LCN2: variants seen among roughly 807,000 people sequenced by gnomAD.
LCN2 encodes neutrophil gelatinase-associated lipocalin.
In LCN2, 27 loss-of-function variants were observed where a neutral mutation model predicts 26.4. The observed-to-expected ratio is 1.02, with a 90% confidence interval of 0.76 to 1.41. LCN2 has a LOEUF of 1.41. LCN2 is among the 40% of genes most tolerant of loss of function. LCN2 has a pLI of 0.00. For missense variants in LCN2, 224 were observed against 237.6 expected, an observed-to-expected ratio of 0.94 and a Z score of 0.38; for synonymous variants, 94 against 98.9, an observed-to-expected ratio of 0.95 and a Z score of 0.30.
At chr9:128,152,568 C>A (rs1829145591) in intron 5 of LCN2, among the ~76,000 whole-genome samples, 1 of 152,206 alleles carries the variant, frequency 6.6e-6, no homozygotes, top group Non-Finnish European at 1.5e-5. Flanking sequence ...GTATCCATTT[C>A]TCAGTCTCAC....
chr9:128,150,979 C>A (rs1011448805), intron 2 of LCN2, among the ~76,000 whole-genome samples: 2 of 152,140 alleles, frequency 1.3e-5, no homozygotes, highest in South Asian at 4.1e-4. Context: ...GAAAGTGAAG[C>A]GGGGCCGTCA....
chr9:128,153,017 T>C lies in LCN2; in HGVS notation c.578-83T>C. On this transcript the variant is annotated intron_variant, in intron 5 of 6. Coordinates refer to ENST00000277480, the MANE Select transcript of LCN2 (RefSeq NM_005564.5). The surrounding 1 kb of genome is among the most constrained non-coding windows in gnomAD (Gnocchi z 5.4). The stretch of plus-strand genomic sequence containing the variant: ...CTGCCCAGGGGCAGTGCAGAGGACC[T>C]GGCAGTCAGGGATCACACACACACA... The C allele has an allele frequency of 3.1e-6, 5 of 1,604,314 alleles. No homozygotes were observed. Among genetic ancestry groups the C allele is most frequent in the Non-Finnish European group, 4.3e-6 (5 of 1,172,170 alleles).
At chr9:128,152,320 G>C (rs1485906092) in intron 5 of LCN2, 36 bp downstream of exon 5, 1 of 1,572,348 alleles carries the variant, frequency 6.4e-7, no homozygotes, top group Non-Finnish European at 8.8e-7. Context: ...CGGGGACATG[G>C]GGACTGTTCA....
At chr9:128,151,398 G>A in intron 2 of LCN2, 1 of 603,972 alleles carries the variant, frequency 1.7e-6, no homozygotes, top group South Asian at 2.0e-5. Flanking sequence ...GGTCTGAGTG[G>A]GGTCCAGGGG....
chr9:128,150,704 A>G (rs1834998239), intron 2 of LCN2: 1 of 503,044 alleles, frequency 2.0e-6, no homozygotes, highest in Non-Finnish European at 3.9e-6. Flanking sequence ...AAAAGAGCCA[A>G]CCTGCTTCAA....
rs747391213 is a variant in LCN2, at chr9:128,149,545, G to A, written c.20G>A (p.Trp7Ter). The A allele has an allele frequency of 3.7e-6, 6 of 1,613,192 alleles. No homozygotes were observed. Among genetic ancestry groups the A allele is most frequent in the Non-Finnish European group, 5.1e-6 (6 of 1,179,568 alleles). ...GAAATCATGCCCCTAGGTCTCCTGT[G>A]GCTGGGCCTAGCCCTGTTGGGGGCT... MPLGLLWLGLALLGALH... is the reference protein window; with the variant it reads MPLGLL The change falls in exon 1 of 7, where the codon TGG becomes TAG. Residue 7 changes from tryptophan to a stop codon, truncating the protein, a stop_gained. Transcript: ENST00000277480. LOFTEE classifies it high-confidence loss of function.
At chr9:128,150,695 A>G (rs1451923568) in intron 2 of LCN2, 1 of 526,622 alleles carries the variant, frequency 1.9e-6, no homozygotes, top group Non-Finnish European at 3.7e-6. Flanking sequence ...GGTGGCCTTA[A>G]AAGAGCCAAC....
At chr9:128,150,708 G>T in intron 2 of LCN2, 1 of 496,176 alleles carries the variant, frequency 2.0e-6, no homozygotes, top group Non-Finnish European at 3.9e-6. Context: ...GAGCCAACCT[G>T]CTTCAAAAGG....
At chr9:128,150,041 T>A (rs1343635829) in intron 1 of LCN2, among the ~76,000 whole-genome samples, 197 bp from the exon 2 acceptor site, 1 of 151,778 alleles carries the variant, frequency 6.6e-6, no homozygotes, top group East Asian at 1.9e-4. Flanking sequence ...AACCGCCTCT[T>A]CCCCCAGGAC....
At position 128,149,669 on chromosome 9, in the gene LCN2, G is replaced by A. The variant is rs1834986086; in HGVS notation, c.138+6G>A. The A allele has an allele frequency of 2.5e-6, 4 of 1,613,612 alleles. No homozygotes were observed. The highest frequency in any genetic ancestry group is 2.2e-5 in the South Asian group (2 of 91,088). On this transcript the variant is annotated splice_donor_region_variant and intron_variant, in intron 1 of 6. Transcript: ENST00000277480. ...AGAACTTCCAGGACAACCAAGTAAG[G>A]GGCCAAGAGGGGCACCTGCAGGCAG... is the stretch of plus-strand genomic sequence containing the variant.
intron 2 of LCN2, among the ~76,000 whole-genome samples, chr9:128,151,129 G>A (rs1835002222): frequency 2.0e-5 from 3 of 152,100 alleles, no homozygotes; most frequent in Admixed American, 1.3e-4. Flanking sequence ...GACAGGTTGG[G>A]GAGCTCAGCC....
At position 128,150,889 on chromosome 9, in the gene LCN2, G is replaced by A. The variant is rs3780837; in HGVS notation, c.275+515G>A. Among the ~76,000 whole-genome samples, 624 of 152,362 alleles carry A rather than the reference G, an allele frequency of 4.1e-3. 6 individuals are homozygous for A. The highest frequency in any genetic ancestry group is 0.023 in the East Asian group (117 of 5,182). On this transcript the variant is annotated intron_variant, in intron 2 of 6. Transcript: ENST00000277480. ...GGCCCCGCCCCAGCGGATCTGCTGC[G>A]GAGTGGCTTAGAGCAGGGCTCTTGG...
chr9:128,150,225 C>G lies in LCN2; in HGVS notation c.139-13C>G. The G allele has an allele frequency of 6.2e-7, 1 of 1,610,796 alleles. No homozygotes were observed. The highest frequency in any genetic ancestry group is 8.5e-7 in the Non-Finnish European group (1 of 1,178,162). On this transcript the variant is annotated splice_polypyrimidine_tract_variant and intron_variant, in intron 1 of 6. Coordinates refer to ENST00000277480, the MANE Select transcript of LCN2 (RefSeq NM_005564.5). The stretch of plus-strand genomic sequence containing the variant: ...GCCATTCCTGGGTTGTGCCTCTTAT[C>G]AGTCCCTTGCAGTTCCAGGGGAAGT...
At chr9:128,151,136 A>C (rs1297780973) in intron 2 of LCN2, among the ~76,000 whole-genome samples, 1 of 152,098 alleles carries the variant, frequency 6.6e-6, no homozygotes, top group African/African-American at 2.4e-5. Flanking sequence ...TGGGGAGCTC[A>C]GCCCTGGGGT....
intron 1 of LCN2, among the ~76,000 whole-genome samples, chr9:128,149,911 C>G (rs907423796): frequency 2.0e-5 from 3 of 150,550 alleles, no homozygotes; most frequent in Non-Finnish European, 3.0e-5. Flanking sequence ...CCCCATTGTC[C>G]AAAGAAGGTG....
intron 5 of LCN2, 128 bp downstream of exon 5, chr9:128,152,412 G>A: frequency 1.3e-6 from 1 of 784,290 alleles, no homozygotes; most frequent in Non-Finnish European, 2.1e-6. Context: ...GGATGGTCCA[G>A]GAGCTCCTTG....
chr9:128,150,723 G>A, intron 2 of LCN2: 1 of 469,052 alleles, frequency 2.1e-6, no homozygotes, highest in Non-Finnish European at 4.2e-6. Context: ...AAAAGGAAAT[G>A]TGGGGTGTTC....
chr9:128,150,113 C>T (rs1186309474), intron 1 of LCN2, 125 bp from the exon 2 acceptor site: 3 of 1,275,632 alleles, frequency 2.4e-6, no homozygotes, highest in South Asian at 3.0e-5. Context: ...CAGCCTGGGC[C>T]CTGCTGCCCA....
Position 128,149,616 on chromosome 9 carries a change from C to T in LCN2, c.91C>T (p.Pro31Ser). 6.2e-7 allele frequency: 1 copy of T among 1,614,016 alleles called. No homozygotes were observed. Among genetic ancestry groups the T allele is most frequent in the Admixed American group, 1.7e-5 (1 of 60,016 alleles). Residue 31 changes from proline to serine, a missense_variant, in exon 1 of 7, where the codon CCA becomes TCA. Coordinates refer to ENST00000277480, the MANE Select transcript of LCN2 (RefSeq NM_005564.5). ...CTCCACCTCAGACCTGATCCCAGCC[C>T]CACCTCTGAGCAAGGTCCCTCTGCA... ...QDSTSDLIPA[P>S]PLSKVPLQQN...
Sources: gnomAD v4.1 joint callset for allele counts (sites outside exome capture counted in the v4.1 genomes callset) on GRCh38, gnomAD v4.1.1 for gene constraint, Gnocchi (gnomAD v3.1) non-coding constraint, MANE v1.5 for transcripts, NCBI Gene and HGNC (gene_info 2026-07-23, HGNC 2026-07-21) for gene names.